The following FLG2 variants were observed in gnomAD, a reference collection of about 807,000 sequenced individuals.
The protein encoded by FLG2 is filaggrin-2.
A neutral mutation model predicts 3.9 loss-of-function variants in FLG2; 7 were observed. That is an observed-to-expected ratio of 1.79 (90% CI 1.02 to 3.36). The LOEUF (loss-of-function observed/expected upper bound fraction) is 3.36, where lower values mean the gene tolerates loss of function less well. Ranked by LOEUF, FLG2 falls within the 30% of genes most tolerant of loss-of-function variation. FLG2 has a pLI of 0.00. For synonymous variants in FLG2, 1,031 were observed against 1,056.1 expected (o/e 0.98, Z 0.46); for missense variants, 2,700 against 2,809.4 (o/e 0.96, Z 0.88).
Position 152,353,395 on chromosome 1 carries a change from C to A in FLG2, c.4391G>T (p.Arg1464Ile), listed in dbSNP as rs754918373. The part of the protein sequence containing the change: ...HGESGSTVHG[R>I]HGTTHGQTGD... ...TGTCTGTCCATGAGTAGTTCCGTGT[C>A]TCCCATGAACTGTGGATCCTGACTC... The change falls in exon 3 of 3, where the codon AGA becomes ATA. Residue 1464 changes from arginine (R) to isoleucine (I), a missense_variant. Physicochemically the swap from Arg to Ile is moderately conservative, Grantham distance 97 (BLOSUM62 -3). Transcript: ENST00000388718. The A allele has an allele frequency of 4.3e-6, 7 of 1,613,350 alleles. No individual in the cohort carries two copies. Among genetic ancestry groups the A allele is most frequent in the African/African-American group, 1.3e-5 (1 of 74,750 alleles).
At position 152,353,234 on chromosome 1, in the gene FLG2, A is replaced by C. The variant is rs767691067; in HGVS notation, c.4552T>G (p.Ser1518Ala). The C allele has an allele frequency of 2.6e-6, 4 of 1,531,056 alleles. No individual in the cohort carries two copies. The South Asian group carries it at 4.7e-5, about 18-fold the overall frequency. The allele number at this position is 1,531,056 out of a possible 1,614,324, so 94.8% of individuals were successfully genotyped here. The part of the protein sequence containing the change: ...EVHSGGSHTH[S>A]GHTHGQSGSQ... ...CCACTTTGGCCGTGAGTGTGTCCTG[A>C]ATGTGTGTGCGAGCCCCCTGAGTGC... Residue 1518 changes from serine (S) to alanine (A), a missense_variant, in exon 3 of 3, where the codon TCA (serine) becomes GCA (alanine). Physicochemically the swap from Ser to Ala is moderately conservative, Grantham distance 99. Transcript: ENST00000388718.
rs1039323452 is a variant in FLG2 at position 152,349,619 on chromosome 1, C to T, written c.*991G>A. On this transcript the variant is annotated 3_prime_UTR_variant, in exon 3 of 3. Transcript: ENST00000388718. ...ATACCTTAATTTCATGTATGTGTCTCATTTCTTCTCTGGGTTAGTTCTTAT... is the reference window on the plus strand; with the variant it reads ...ATACCTTAATTTCATGTATGTGTCTTATTTCTTCTCTGGGTTAGTTCTTAT... The T allele has an allele frequency of 1.3e-5, 2 of 152,614 alleles. No homozygotes were observed. The highest frequency in any genetic ancestry group is 4.8e-5 in the African/African-American group (2 of 41,448). 9.5% of individuals were successfully genotyped at this position (152,614 alleles called of 1,614,324 possible). A position where few individuals can be genotyped will look rare whatever the true frequency, so the allele number is the denominator to read the frequency against.
In FLG2 at chr1:152,356,986, C is replaced by T; in HGVS notation, c.800G>A (p.Cys267Tyr). 6.2e-7 allele frequency: 1 copy of T among 1,614,200 alleles called. No homozygotes were observed. Among genetic ancestry groups the T allele is most frequent in the Non-Finnish European group, 8.5e-7 (1 of 1,180,028 alleles). ...CCTCCCACTGTCTCCTGAACCTGAA[C>T]AGCTAGACCCAAGCTTTTGTTCTCT... ...RIREQKLGSS[C>Y]SGSGDSGRRS... is the part of the protein sequence containing the mutation. Residue 267 changes from cysteine to tyrosine, a missense_variant, in exon 3 of 3, where the codon TGT becomes TAT. Physicochemically the swap from Cys to Tyr is radical, Grantham distance 194. Coordinates refer to ENST00000388718, the MANE Select transcript of FLG2 (RefSeq NM_001014342.3).
In FLG2 at chr1:152,349,992, C is replaced by T; in HGVS notation, c.*618G>A. The T allele has an allele frequency of 6.5e-6, 1 of 154,714 alleles. No homozygotes were observed. Among genetic ancestry groups the T allele is most frequent in the Non-Finnish European group, 1.4e-5 (1 of 69,650 alleles). 9.6% of individuals were successfully genotyped at this position (154,714 alleles called of 1,614,324 possible). A position where few individuals can be genotyped will look rare whatever the true frequency, so the allele number is the denominator to read the frequency against. Reference sequence around the variant, plus strand: ...TTTGACTTTTGCTGTCATTTGACTACTCATAACTATCATTTGATTGGCCAT... The same window carrying T: ...TTTGACTTTTGCTGTCATTTGACTATTCATAACTATCATTTGATTGGCCAT... On this transcript the variant is annotated 3_prime_UTR_variant, in exon 3 of 3. Coordinates refer to ENST00000388718, the MANE Select transcript of FLG2 (RefSeq NM_001014342.3).
Position 152,352,599 on chromosome 1 carries a change from A to T in FLG2, c.5187T>A (p.Ser1729Arg), listed in dbSNP as rs750113544. The T allele has an allele frequency of 2.1e-5, 34 of 1,613,600 alleles. No individual in the cohort carries two copies. The highest frequency in any genetic ancestry group is 2.9e-5 in the Non-Finnish European group (34 of 1,179,952). ...AGTACCCTTCACTGTCACTGTACTC[A>T]CTGTGGCCAGATCCCCTTCTTCCAG... ...RTTGRRGSGH[S>R]EYSDSEGYSG... The change falls in exon 3 of 3, where the codon AGT becomes AGA. Residue 1729 changes from serine to arginine, a missense_variant. Transcript: ENST00000388718.
chr1:152,356,686 C>T lies in FLG2; in HGVS notation c.1100G>A (p.Gly367Glu). 6.2e-7 allele frequency: 1 copy of T among 1,614,228 alleles called. No homozygotes were observed. The highest frequency in any genetic ancestry group is 2.2e-5 in the East Asian group (1 of 44,882). Residue 367 changes from glycine (G) to glutamate (E), a missense_variant, in exon 3 of 3, where the codon GGA (glycine) becomes GAA (glutamate). Gly to Glu is a moderately conservative substitution (Grantham distance 98). Transcript: ENST00000388718. ...ARENGQPQNC[G>E]GQWRTGSSQS... ...ACTTGAGCCTGTTCTCCATTGTCCT[C>T]CACAGTTCTGTGGTTGACCATTTTC...
Position 152,355,993 on chromosome 1 carries a change from G to C in FLG2, c.1793C>G (p.Ser598Cys). 6.2e-7 allele frequency: 1 copy of C among 1,613,238 alleles called. No individual in the cohort carries two copies. The highest frequency in any genetic ancestry group is 8.5e-7 in the Non-Finnish European group (1 of 1,179,856). Residue 598 changes from serine (S) to cysteine (C), a missense_variant, in exon 3 of 3, where the codon TCT becomes TGT. By Grantham distance (112) the Ser-to-Cys change is moderately radical. Transcript: ENST00000388718. The part of the protein sequence containing the change: ...GQSSGFGQHG[S>C]GSGQSSGFGQ... ...AAAGCCAGAGGATTGTCCTGAGCCA[G>C]ACCCATGTTGTCCAAAGCCAGAGGA...
At position 152,354,216 on chromosome 1, in the gene FLG2, A is replaced by G; in HGVS notation, c.3570T>C (p.Ser1190=). The part of the protein sequence containing the change: ...GQHVSGSDNF[S]SSGQHISDSG... ...AGTCAGATATATGTTGTCCAGAACT[A>G]GAGAAATTGTCTGAGCCAGACACAT... Residue 1190 remains serine, a synonymous_variant, in exon 3 of 3, where the codon TCT becomes TCC. Coordinates refer to ENST00000388718, the MANE Select transcript of FLG2 (RefSeq NM_001014342.3). 6.2e-7 allele frequency: 1 copy of G among 1,614,180 alleles called. No individual in the cohort carries two copies. Among genetic ancestry groups the G allele is most frequent in the Non-Finnish European group, 8.5e-7 (1 of 1,180,004 alleles).
In FLG2 at chr1:152,351,788, G is replaced by C; in HGVS notation, c.5998C>G (p.Gln2000Glu). 6.2e-7 allele frequency: 1 copy of C among 1,612,706 alleles called. No individual in the cohort carries two copies. The highest frequency in any genetic ancestry group is 8.5e-7 in the Non-Finnish European group (1 of 1,179,888). Reference sequence around the variant, plus strand: ...CCATGTCTAGTGGTATCTGCTGTTTGTCCATGAGTAGTTCCGTGTCTCTCA... The same window carrying C: ...CCATGTCTAGTGGTATCTGCTGTTTCTCCATGAGTAGTTCCGTGTCTCTCA... ...VHERHGTTHGQTADTTRHGHS... is the reference protein window; with the variant it reads ...VHERHGTTHGETADTTRHGHS... Residue 2000 changes from glutamine (Q) to glutamate (E), a missense_variant, in exon 3 of 3, where the codon CAA (glutamine) becomes GAA (glutamate). Physicochemically the swap from Gln to Glu is conservative, Grantham distance 29. Coordinates refer to ENST00000388718, the MANE Select transcript of FLG2 (RefSeq NM_001014342.3).
chr1:152,353,508 C>G lies in FLG2; in HGVS notation c.4278G>C (p.Glu1426Asp). Residue 1426 changes from glutamate (E) to aspartate (D), a missense_variant, in exon 3 of 3, where the codon GAG becomes GAC. Coordinates refer to ENST00000388718, the MANE Select transcript of FLG2 (RefSeq NM_001014342.3). ...CTGAGTGCACTTCACTGTCACTGGA[C>G]TCACTATGGCCAGATCCCCTTCTTC... Reference protein sequence around the residue: ...TTGRRGSGHSESSDSEVHSGG... With the variant: ...TTGRRGSGHSDSSDSEVHSGG... The G allele has an allele frequency of 6.2e-7, 1 of 1,611,286 alleles. No individual in the cohort carries two copies. The highest frequency in any genetic ancestry group is 8.5e-7 in the Non-Finnish European group (1 of 1,179,312).
At position 152,354,557 on chromosome 1, in the gene FLG2, C is replaced by T. The variant is rs774061443; in HGVS notation, c.3229G>A (p.Gly1077Ser). The T allele has an allele frequency of 2.4e-5, 39 of 1,613,768 alleles. No individual in the cohort carries two copies. In the South Asian group the frequency reaches 3.5e-4, roughly 15 times the overall value. Residue 1077 changes from glycine (G) to serine (S), a missense_variant, in exon 3 of 3, where the codon GGC becomes AGC. Physicochemically the swap from Gly to Ser is moderately conservative, Grantham distance 56. Coordinates refer to ENST00000388718, the MANE Select transcript of FLG2 (RefSeq NM_001014342.3). ...YESRSRQSSY[G>S]QHGSGSSQSS... is the part of the protein sequence containing the mutation. The stretch of plus-strand genomic sequence containing the variant: ...TGACTTGAGCCAGAACCATGTTGGC[C>T]ATAGCTAGACTGACGTGATCTAGAC...
Position 152,356,658 on chromosome 1 carries a change from C to T in FLG2, c.1128G>A (p.Gln376=), listed in dbSNP as rs762840586. ...CGGQWRTGSS[Q]SSCCGQYGSG... Reference sequence around the variant, plus strand: ...ACCCATATTGTCCACAGCAAGAGGACTGACTTGAGCCTGTTCTCCATTGTC... The same window carrying T: ...ACCCATATTGTCCACAGCAAGAGGATTGACTTGAGCCTGTTCTCCATTGTC... The change falls in exon 3 of 3, where the codon CAG becomes CAA. Residue 376 remains glutamine, a synonymous_variant. Coordinates refer to ENST00000388718, the MANE Select transcript of FLG2 (RefSeq NM_001014342.3). 1.9e-6 allele frequency: 3 copies of T among 1,614,106 alleles called. No homozygotes were observed. In the African/African-American group the frequency reaches 4.0e-5, roughly 22 times the overall value.
rs770038598 is a variant in FLG2 at position 152,354,229 on chromosome 1, G to T, written c.3557C>A (p.Ser1186Ter). 1 of 1,614,054 alleles carries T rather than the reference G, an allele frequency of 6.2e-7. No individual in the cohort carries two copies. The highest frequency in any genetic ancestry group is 1.1e-5 in the South Asian group (1 of 91,050). Residue 1186 changes from serine to a stop codon, truncating the protein, a stop_gained, in exon 3 of 3, where the codon TCA becomes TAA. Transcript: ENST00000388718. LOFTEE classifies it low-confidence loss of function (END_TRUNC). ...TTSFGQHVSG[S>*]DNFSSSGQHI... ...TTGTCCAGAACTAGAGAAATTGTCTGAGCCAGACACATGCTGTCCAAAACT... is the reference window on the plus strand; with the variant it reads ...TTGTCCAGAACTAGAGAAATTGTCTTAGCCAGACACATGCTGTCCAAAACT...
rs781333432 is a variant in FLG2, at chr1:152,354,619, G to A, written c.3167C>T (p.Thr1056Ile). The change falls in exon 3 of 3, where the codon ACT (threonine) becomes ATT (isoleucine). Residue 1056 changes from threonine to isoleucine, a missense_variant. Transcript: ENST00000388718. ...AAAACCAGAGGATTGTCCTGAACCA[G>A]TCCCATGTTGTCCAAAGCCAGAGGA... is the stretch of plus-strand genomic sequence containing the variant. ...DQSSGFGQHG[T>I]GSGQSSGFGQ... is the part of the protein sequence containing the mutation. 4.6e-5 allele frequency: 74 copies of A among 1,613,864 alleles called. No homozygotes were observed. The highest frequency in any genetic ancestry group is 1.0e-4 in the Admixed American group (6 of 59,994).
rs1302399440 is a variant in FLG2 at position 152,356,002 on chromosome 1, T to G, written c.1784A>C (p.Gln595Pro). The change falls in exon 3 of 3, where the codon CAA becomes CCA. Residue 595 changes from glutamine to proline, a missense_variant. By Grantham distance (76) the Gln-to-Pro change is moderately conservative (BLOSUM62 -1). Transcript: ENST00000388718. ...SGSGQSSGFG[Q>P]HGSGSGQSSG... ...GGATTGTCCTGAGCCAGACCCATGT[T>G]GTCCAAAGCCAGAGGACTGACCTGA... 2.5e-6 allele frequency: 4 copies of G among 1,613,616 alleles called. No homozygotes were observed. The South Asian group carries it at 3.3e-5, about 13-fold the overall frequency.
In FLG2 at chr1:152,357,721, G is replaced by T. The variant is rs80001616; in HGVS notation, c.139-74C>A. The T allele has an allele frequency of 4.8e-4, 507 of 1,062,676 alleles. 7 individuals are homozygous for T. In the East Asian group the frequency reaches 0.012, roughly 25 times the overall value. The allele number at this position is 1,062,676 out of a possible 1,614,324, so 65.8% of individuals were successfully genotyped here. A position where few individuals can be genotyped will look rare whatever the true frequency, so the allele number is the denominator to read the frequency against. ...TACTCAACTAACACATTTAAATAGCGCTGTGAAATTATGGATGTTTGACAT... is the reference window on the plus strand; with the variant it reads ...TACTCAACTAACACATTTAAATAGCTCTGTGAAATTATGGATGTTTGACAT... On this transcript the variant is annotated intron_variant, in intron 2 of 2. Coordinates refer to ENST00000388718, the MANE Select transcript of FLG2 (RefSeq NM_001014342.3).
rs765784034 is a variant in FLG2 at position 152,353,048 on chromosome 1, T to G, written c.4738A>C (p.Thr1580Pro). The change falls in exon 3 of 3, where the codon ACT (threonine) becomes CCT (proline). Residue 1580 changes from threonine to proline, a missense_variant. Transcript: ENST00000388718. The part of the protein sequence containing the change: ...GRQRTSHSES[T>P]DSEVHSGGSH... ...CCCCCTGAGTGCACTTCACTGTCAG[T>G]GGACTCACTGTGGCTAGTTCTCTGT... is the stretch of plus-strand genomic sequence containing the variant. 6.2e-7 allele frequency: 1 copy of G among 1,613,556 alleles called. No individual in the cohort carries two copies. The highest frequency in any genetic ancestry group is 1.1e-5 in the South Asian group (1 of 91,032).
chr1:152,357,816 A>C (rs1408759710), intron 2 of FLG2, among the ~76,000 whole-genome samples, 169 bp from the exon 3 acceptor site: 1 of 152,178 alleles, frequency 6.6e-6, no homozygotes, highest in Non-Finnish European at 1.5e-5. Flanking sequence ...GGGTTAATAG[A>C]AAATAAAGAC....
Position 152,354,430 on chromosome 1 carries a change from C to T in FLG2, c.3356G>A (p.Gly1119Glu). 1 of 1,614,084 alleles carries T rather than the reference C, an allele frequency of 6.2e-7. No individual in the cohort carries two copies. The highest frequency in any genetic ancestry group is 8.5e-7 in the Non-Finnish European group (1 of 1,180,014). Residue 1119 changes from glycine (G) to glutamate (E), a missense_variant, in exon 3 of 3, where the codon GGA becomes GAA. Gly to Glu is a moderately conservative substitution (Grantham distance 98). Coordinates refer to ENST00000388718, the MANE Select transcript of FLG2 (RefSeq NM_001014342.3). ...GCCAGAAGACTGACCTGAGCCCGAT[C>T]CATATTGGCCAAAGCCAGAGGACTG... is the stretch of plus-strand genomic sequence containing the variant. ...SGQSSGFGQY[G>E]SGSGQSSGFG... is the part of the protein sequence containing the mutation.
Sources: gnomAD v4.1 joint callset for allele counts (sites outside exome capture counted in the v4.1 genomes callset) on GRCh38, gnomAD v4.1.1 for gene constraint, MANE v1.5 for transcripts, NCBI Gene and HGNC (gene_info 2026-07-23, HGNC 2026-07-21) for gene names.